Variants in RIMBP2 observed in about 807,000 individuals in gnomAD.
RIMBP2 encodes RIMS binding protein 2.
In RIMBP2, 48 loss-of-function variants were observed where a neutral mutation model predicts 118.6. The ratio of observed to expected loss-of-function variants is 0.40; its 90% CI spans 0.32 to 0.51. The LOEUF (loss-of-function observed/expected upper bound fraction) is 0.51, where lower values mean the gene tolerates loss of function less well. Among genes scored for constraint, RIMBP2 ranks in the 20% least tolerant of loss-of-function variants. The pLI, the probability that RIMBP2 is intolerant of heterozygous loss-of-function variation, is 0.41. For synonymous variants in RIMBP2, 762 were observed against 742.9 expected (o/e 1.03, Z -0.42); for missense variants, 1,551 against 1,768.3 (o/e 0.88, Z 2.20).
chr12:130,400,152 C>G (rs1322770239), intron 21 of RIMBP2, among the ~76,000 whole-genome samples: 1 of 152,154 alleles, frequency 6.6e-6, no homozygotes, highest in Non-Finnish European at 1.5e-5. Flanking sequence ...CCTGGCTGAT[C>G]TGAGGCACTA....
chr12:130,662,559 G>A (rs1282682770), intron 1 of RIMBP2, among the ~76,000 whole-genome samples: 1 of 152,052 alleles, frequency 6.6e-6, no homozygotes, highest in East Asian at 1.9e-4. Context: ...GGGAGGCTGA[G>A]ACAGGAGAAT....
At position 130,683,477 on chromosome 12, in the gene RIMBP2, G is replaced by C. The variant is rs569821510; in HGVS notation, c.-352+32745C>G. Among the ~76,000 whole-genome samples, 1 of 152,334 alleles carries C rather than the reference G, an allele frequency of 6.6e-6. No homozygotes were observed. Among genetic ancestry groups the C allele is most frequent in the African/African-American group, 2.4e-5 (1 of 41,576 alleles). ...AAATTCTCTGGTGGTATTGTCAGAGGCATGTGAACCAGAGCAACTCCATCT... is the reference window on the plus strand; with the variant it reads ...AAATTCTCTGGTGGTATTGTCAGAGCCATGTGAACCAGAGCAACTCCATCT... On this transcript the variant is annotated intron_variant, in intron 1 of 22. Coordinates refer to ENST00000690449, the MANE Select transcript of RIMBP2 (RefSeq NM_001393629.1). The surrounding 1 kb of genome is among the most constrained non-coding windows in gnomAD (Gnocchi z 4.4).
intron 1 of RIMBP2, among the ~76,000 whole-genome samples, chr12:130,638,704 A>G (rs1391671279): frequency 6.6e-6 from 1 of 152,144 alleles, no homozygotes; most frequent in African/African-American, 2.4e-5. Context: ...CTGGTGCCAA[A>G]AAGGTTGGAG....
chr12:130,571,697 C>T (rs1389635982), intron 2 of RIMBP2, among the ~76,000 whole-genome samples: 1 of 152,156 alleles, frequency 6.6e-6, no homozygotes, highest in African/African-American at 2.4e-5. Context: ...ATACTCAAGA[C>T]CCTCCTGTGC....
intron 1 of RIMBP2, among the ~76,000 whole-genome samples, chr12:130,673,569 T>C (rs2064298470): frequency 1.3e-5 from 2 of 152,134 alleles, no homozygotes; most frequent in Middle Eastern, 3.4e-3. Context: ...GTGCCACTTG[T>C]GGGTCAAGGC....
chr12:130,605,880 G>A (rs73156962), intron 2 of RIMBP2, among the ~76,000 whole-genome samples: 20,197 of 152,060 alleles, frequency 0.13, 1,587 homozygotes, highest in Non-Finnish European at 0.19. Context: ...CCTGATCTAC[G>A]TGGTAAAACC....
Position 130,431,899 on chromosome 12 carries a change from C to A in RIMBP2, c.2253+2835G>T, listed in dbSNP as rs571577187. ...CGTCAGCACTGGTGGCCACCAGCCA[C>A]GTGTGGCTGTTTACATGTAAACTAA... On this transcript the variant is annotated intron_variant, in intron 14 of 22. Transcript: ENST00000690449. The surrounding 1 kb of genome is among the most constrained non-coding windows in gnomAD (Gnocchi z 4.0). The A allele has an allele frequency of 6.3e-6, 1 of 158,722 alleles. No homozygotes were observed. Among genetic ancestry groups the A allele is most frequent in the Non-Finnish European group, 1.4e-5 (1 of 72,560 alleles). The allele number at this position is 158,722 out of a possible 1,614,324, so 9.8% of individuals were successfully genotyped here. A position where few individuals can be genotyped will look rare whatever the true frequency, so the allele number is the denominator to read the frequency against.
Position 130,710,084 on chromosome 12 carries a change from G to A in RIMBP2, c.-352+6138C>T, listed in dbSNP as rs1165956357. ...GGGTGGACACCGAGGGTCTCCAGGAGAGGGGTTGGCTCTGCAGCCCCTGTG... is the reference window on the plus strand; with the variant it reads ...GGGTGGACACCGAGGGTCTCCAGGAAAGGGGTTGGCTCTGCAGCCCCTGTG... On this transcript the variant is annotated intron_variant, in intron 1 of 22. Transcript: ENST00000690449. This position sits in a 1 kb window ranked among gnomAD's most constrained non-coding sequence, Gnocchi z 4.3. Among the ~76,000 whole-genome samples the A allele has an allele frequency of 6.6e-6, 1 of 152,174 alleles. No homozygotes were observed. Among genetic ancestry groups the A allele is most frequent in the African/African-American group, 2.4e-5 (1 of 41,444 alleles).
chr12:130,540,361 AG>A (rs1286724824), intron 2 of RIMBP2, among the ~76,000 whole-genome samples: 2 of 152,172 alleles, frequency 1.3e-5, no homozygotes, highest in Admixed American at 6.5e-5. Context: ...ACAAGAAAGG[AG>A]GTGAGCAGGG....
chr12:130,636,674 A>G (rs995716022), intron 1 of RIMBP2, among the ~76,000 whole-genome samples: 5 of 152,180 alleles, frequency 3.3e-5, no homozygotes, highest in African/African-American at 4.8e-5. Context: ...GCCCCATGAC[A>G]TGAGCCCAGC....
In RIMBP2 at chr12:130,428,295, G is replaced by A. The variant is rs761925052; in HGVS notation, c.2296C>T (p.Arg766Trp). The change falls in exon 15 of 23, where the codon CGG becomes TGG. Residue 766 changes from arginine (R) to tryptophan (W), a missense_variant. Physicochemically the swap from Arg to Trp is moderately radical, Grantham distance 101. Transcript: ENST00000690449. ...ATGATGTCTGAGAGGTCAGACCCCC[G>A]GCTGCTCTCTGTGTGGTACTCGTCT... ...HGDEYHTESS[R>W]GSDLSDIMEE... 10 of 1,612,574 alleles carry A rather than the reference G, an allele frequency of 6.2e-6. No homozygotes were observed. The highest frequency in any genetic ancestry group is 2.7e-5 in the African/African-American group (2 of 74,856).
At position 130,450,999 on chromosome 12, in the gene RIMBP2, C is replaced by T. The variant is rs890072125; in HGVS notation, c.504+196G>A. 3.9e-5 allele frequency among the ~76,000 whole-genome samples: 6 copies of T among 151,994 alleles called. No homozygotes were observed. The East Asian group carries it at 1.2e-3, about 29-fold the overall frequency. Reference sequence around the variant, plus strand: ...GCTCCCCCTTAGAACAGGGACCTCACCTGTGTTCACAGAGGGGCCCCCCCA... The same window carrying T: ...GCTCCCCCTTAGAACAGGGACCTCATCTGTGTTCACAGAGGGGCCCCCCCA... On this transcript the variant is annotated intron_variant, in intron 8 of 22. Coordinates refer to ENST00000690449, the MANE Select transcript of RIMBP2 (RefSeq NM_001393629.1). The surrounding 1 kb of genome is among the most constrained non-coding windows in gnomAD (Gnocchi z 4.8).
intron 2 of RIMBP2, among the ~76,000 whole-genome samples, chr12:130,552,926 G>A (rs1004205805): frequency 6.6e-6 from 1 of 152,098 alleles, no homozygotes; most frequent in African/African-American, 2.4e-5. Flanking sequence ...GCCGAGGCAG[G>A]CGGATCACGA....
chr12:130,694,614 C>T (rs868525863), intron 1 of RIMBP2, among the ~76,000 whole-genome samples: 14 of 152,330 alleles, frequency 9.2e-5, no homozygotes, highest in South Asian at 4.1e-4. Context: ...ACGGCCCTCC[C>T]GTAGAGAATT....
At chr12:130,409,519 A>AT (rs1441604007) in intron 19 of RIMBP2, among the ~76,000 whole-genome samples, 1 of 150,900 alleles carries the variant, frequency 6.6e-6, no homozygotes, top group African/African-American at 2.4e-5. Flanking sequence ...ATTTTTTTGT[A>AT]TTTTTTTGTA....
chr12:130,463,255 G>A (rs61935901), intron 6 of RIMBP2, among the ~76,000 whole-genome samples: 10,784 of 152,262 alleles, frequency 0.071, 504 homozygotes, highest in Middle Eastern at 0.13. Context: ...GTGTCACCCC[G>A]GCTGCAGGGA....
chr12:130,512,926 C>A (rs1268077922), intron 3 of RIMBP2, among the ~76,000 whole-genome samples: 2 of 152,102 alleles, frequency 1.3e-5, no homozygotes, highest in Non-Finnish European at 2.9e-5. Flanking sequence ...AAAAACTAAG[C>A]CTCACGAATC....
chr12:130,659,733 GA>G (rs1265557458), intron 1 of RIMBP2, among the ~76,000 whole-genome samples: 1 of 151,998 alleles, frequency 6.6e-6, no homozygotes, highest in Non-Finnish European at 1.5e-5. Flanking sequence ...AGCATTTTGG[GA>G]GGCCAAGGTG....
intron 1 of RIMBP2, among the ~76,000 whole-genome samples, chr12:130,630,474 G>T (rs1475438324): frequency 6.6e-6 from 1 of 151,972 alleles, no homozygotes; most frequent in Non-Finnish European, 1.5e-5. Context: ...CAAAATATCA[G>T]AAATTCCTTT....
Sources: allele counts gnomAD v4.1 joint callset (sites outside exome capture counted in the v4.1 genomes callset), GRCh38; gene constraint gnomAD v4.1.1; non-coding constraint Gnocchi (gnomAD v3.1); transcripts MANE v1.5; gene names NCBI Gene and HGNC (gene_info 2026-07-23, HGNC 2026-07-21).